Variants in FAM228A observed in about 807,000 individuals in gnomAD.
FAM228A encodes the protein family with sequence similarity 228 member A.
In FAM228A, 13 loss-of-function variants were observed where a neutral mutation model predicts 18.6. The ratio of observed to expected loss-of-function variants is 0.70; its 90% CI spans 0.45 to 1.11. The LOEUF (loss-of-function observed/expected upper bound fraction) is 1.11. FAM228A is among the 50% of genes least tolerant of loss of function. FAM228A has a pLI of 0.00. For missense variants in FAM228A, 240 were observed against 242.2 expected (o/e 0.99, Z 0.06); for synonymous variants, 77 against 86.6 (o/e 0.89, Z 0.61).
At position 24,190,823 on chromosome 2, in the gene FAM228A, G is replaced by A. The variant is rs1053892507; in HGVS notation, c.*192G>A. On this transcript the variant is annotated 3_prime_UTR_variant, in exon 6 of 6. Transcript: ENST00000295150. ...AGACAAGTGGTAAATGTGGGACCTGGACCCCACTTTCCGGAGACATCCTGT... is the reference window on the plus strand; with the variant it reads ...AGACAAGTGGTAAATGTGGGACCTGAACCCCACTTTCCGGAGACATCCTGT... 7.8e-7 allele frequency: 1 copy of A among 1,279,190 alleles called. No individual in the cohort carries two copies. Among genetic ancestry groups the A allele is most frequent in the Non-Finnish European group, 9.9e-7 (1 of 1,010,180 alleles). The allele number at this position is 1,279,190 out of a possible 1,614,324, so 79.2% of individuals were successfully genotyped here. A position where few individuals can be genotyped will look rare whatever the true frequency, so the allele number is the denominator to read the frequency against.
intron 5 of FAM228A, among the ~76,000 whole-genome samples, chr2:24,184,779 G>T (rs1053829245): frequency 2.0e-5 from 3 of 150,124 alleles, no homozygotes; most frequent in Middle Eastern, 7.0e-3. Flanking sequence ...TATAACTAGT[G>T]CTTTTTATAC....
At position 24,191,063 on chromosome 2, in the gene FAM228A, A is replaced by G; in HGVS notation, c.*432A>G. 1.0e-6 allele frequency: 1 copy of G among 988,492 alleles called. No individual in the cohort carries two copies. The highest frequency in any genetic ancestry group is 1.1e-4 in the East Asian group (1 of 9,064). 61.2% of individuals were successfully genotyped at this position (988,492 alleles called of 1,614,324 possible). A position where few individuals can be genotyped will look rare whatever the true frequency, so the allele number is the denominator to read the frequency against. ...TACCAAAAAATTAGGGCAAGATGAG[A>G]TTTTTTGATATTTAAAAGGTATTTT... On this transcript the variant is annotated 3_prime_UTR_variant, in exon 6 of 6. Coordinates refer to ENST00000295150, the MANE Select transcript of FAM228A (RefSeq NM_001040710.3).
At chr2:24,178,822 A>G (rs754524955) in intron 3 of FAM228A, among the ~76,000 whole-genome samples, 3 of 152,218 alleles carry the variant, frequency 2.0e-5, no homozygotes, top group African/African-American at 4.8e-5. Context: ...AAAAGAAACA[A>G]GAGTTTCATG....
intron 5 of FAM228A, among the ~76,000 whole-genome samples, chr2:24,189,835 C>T (rs779216790): frequency 3.3e-5 from 5 of 151,858 alleles, no homozygotes; most frequent in South Asian, 2.1e-4. Context: ...AAAGGAAAGG[C>T]GGGAGGGGGC....
chr2:24,178,560 T>G (rs569834997), intron 3 of FAM228A, among the ~76,000 whole-genome samples: 78 of 152,200 alleles, frequency 5.1e-4, no homozygotes, highest in Non-Finnish European at 9.7e-4. Context: ...GGTGACAGAG[T>G]GAGACCCTGT....
chr2:24,180,677 A>T (rs1667796268), intron 3 of FAM228A, among the ~76,000 whole-genome samples: 1 of 152,212 alleles, frequency 6.6e-6, no homozygotes, highest in Non-Finnish European at 1.5e-5. Flanking sequence ...TTTAAATGTC[A>T]GTAAAGTCGT....
intron 3 of FAM228A, 142 bp from the exon 4 acceptor site, chr2:24,183,143 C>T (rs1287506529): frequency 7.9e-6 from 5 of 633,128 alleles, no homozygotes; most frequent in African/African-American, 3.6e-5. Flanking sequence ...CCGAATAGGT[C>T]GTTTTTCAAC....
rs200874988 is a variant in FAM228A at position 24,190,442 on chromosome 2, A to G, written c.432A>G (p.Lys144=). 2,039 of 1,613,756 alleles carry G rather than the reference A, an allele frequency of 1.3e-3. No individual in the cohort carries two copies. The highest frequency in any genetic ancestry group is 1.6e-3 in the Non-Finnish European group (1,924 of 1,179,920). ...AAAAGCTCATCTATGCAGACAAGAA[A>G]CAGAAAAGAAAAGAGAAAAAGACGG... is the stretch of plus-strand genomic sequence containing the variant. The part of the protein sequence containing the change: ...SPEKLIYADK[K]QKRKEKKTAD... Residue 144 remains lysine (K), a synonymous_variant, in exon 6 of 6, where the codon AAA becomes AAG. Coordinates refer to ENST00000295150, the MANE Select transcript of FAM228A (RefSeq NM_001040710.3).
At chr2:24,186,929 G>A (rs1667962847) in intron 5 of FAM228A, among the ~76,000 whole-genome samples, 1 of 152,158 alleles carries the variant, frequency 6.6e-6, no homozygotes, top group Non-Finnish European at 1.5e-5. Context: ...GTGAGCCTCT[G>A]TGCCCCGCCT....
In FAM228A at chr2:24,183,560, T is replaced by A; in HGVS notation, c.316T>A (p.Tyr106Asn). ...GGCCAGGCTGCATGCCAGCTCGCCC[T>A]ACTTCACTTTCACTTCACACTGTGT... is the stretch of plus-strand genomic sequence containing the variant. ...EKARLHASSP[Y>N]FTFTSHCVIP... The change falls in exon 5 of 6, where the codon TAC (tyrosine) becomes AAC (asparagine). Residue 106 changes from tyrosine (Y) to asparagine (N), a missense_variant. Physicochemically the swap from Tyr to Asn is moderately radical, Grantham distance 143. Transcript: ENST00000295150. The A allele has an allele frequency of 6.2e-7, 1 of 1,614,072 alleles. No individual in the cohort carries two copies. Among genetic ancestry groups the A allele is most frequent in the East Asian group, 2.2e-5 (1 of 44,892 alleles).
rs772804635 is a variant in FAM228A at position 24,175,468 on chromosome 2, G to T, written c.-13G>T. 3 of 1,610,344 alleles carry T rather than the reference G, an allele frequency of 1.9e-6. 1 individual carries two copies. Among genetic ancestry groups the T allele is most frequent in the Non-Finnish European group, 8.5e-7 (1 of 1,176,532 alleles). On this transcript the variant is annotated splice_region_variant and 5_prime_UTR_variant, in exon 2 of 6. Transcript: ENST00000295150. ...TCAGTTTACCTTTTCATCCCTCAGGGATTCTCCTGTCCATGGCTGCCACCA... is the reference window on the plus strand; with the variant it reads ...TCAGTTTACCTTTTCATCCCTCAGGTATTCTCCTGTCCATGGCTGCCACCA...
In FAM228A at chr2:24,183,376, C is replaced by T; in HGVS notation, c.250+4C>T. ...ACTGGTCTTCAGTGTGAGACAGGTG[C>T]TTTGTGATCACTGGGCCTCATTTTT... On this transcript the variant is annotated splice_donor_region_variant and intron_variant, in intron 4 of 5. Transcript: ENST00000295150. 6.2e-7 allele frequency: 1 copy of T among 1,613,214 alleles called. No homozygotes were observed. Among genetic ancestry groups the T allele is most frequent in the Non-Finnish European group, 8.5e-7 (1 of 1,179,166 alleles).
chr2:24,182,408 C>T (rs376521889), intron 3 of FAM228A, among the ~76,000 whole-genome samples: 1 of 152,094 alleles, frequency 6.6e-6, no homozygotes, highest in Non-Finnish European at 1.5e-5. Context: ...ATTATGTTGC[C>T]TAGTTTATTC....
At chr2:24,184,707 G>A (rs1252404756) in intron 5 of FAM228A, among the ~76,000 whole-genome samples, 2 of 151,862 alleles carry the variant, frequency 1.3e-5, no homozygotes, top group Non-Finnish European at 2.9e-5. Context: ...TCTGAGTCTC[G>A]CTCTGTCGTC....
chr2:24,190,332 G>A, intron 5 of FAM228A, 80 bp from the exon 6 acceptor site: 1 of 1,442,696 alleles, frequency 6.9e-7, no homozygotes, highest in Non-Finnish European at 9.2e-7. Context: ...TGAGTTCATT[G>A]CATTAATCTT....
In FAM228A at chr2:24,190,496, G is replaced by C; in HGVS notation, c.486G>C (p.Arg162Ser). 1 of 1,614,184 alleles carries C rather than the reference G, an allele frequency of 6.2e-7. No individual in the cohort carries two copies. The highest frequency in any genetic ancestry group is 8.5e-7 in the Non-Finnish European group (1 of 1,180,030). ...TADLSQAAFE[R>S]QFLSSKLSQK... The stretch of plus-strand genomic sequence containing the variant: ...ACCTAAGTCAGGCTGCGTTTGAAAG[G>C]CAGTTCCTTTCCTCAAAGCTCAGCC... Residue 162 changes from arginine to serine, a missense_variant, in exon 6 of 6, where the codon AGG becomes AGC. By Grantham distance (110) the Arg-to-Ser change is moderately radical. Transcript: ENST00000295150.
chr2:24,187,617 A>AT (rs34867537), intron 5 of FAM228A, among the ~76,000 whole-genome samples: 3,084 of 150,354 alleles, frequency 0.021, 31 homozygotes, highest in South Asian at 0.048. Flanking sequence ...GCAACCAGTG[A>AT]TTTTTTTTTT....
At chr2:24,176,015 CTA>C in intron 2 of FAM228A, 1 of 993,976 alleles carries the variant, frequency 1.0e-6, no homozygotes, top group African/African-American at 1.7e-5. Flanking sequence ...CTTAATTTTT[CTA>C]TGTGTGTGCA....
rs766942551 is a variant in FAM228A, at chr2:24,183,493, A to G, written c.251-2A>G. 5 of 1,610,144 alleles carry G rather than the reference A, an allele frequency of 3.1e-6. No individual in the cohort carries two copies. The highest frequency in any genetic ancestry group is 4.2e-6 in the Non-Finnish European group (5 of 1,178,194). ...TGATTTCGATTTTTTATCTTCCTGTAGGAAAACGACATTCCATAAAAGAAC... is the reference window on the plus strand; with the variant it reads ...TGATTTCGATTTTTTATCTTCCTGTGGGAAAACGACATTCCATAAAAGAAC... On this transcript the variant is annotated splice_acceptor_variant, in intron 4 of 5. Coordinates refer to ENST00000295150, the MANE Select transcript of FAM228A (RefSeq NM_001040710.3). LOFTEE classifies it high-confidence loss of function.
Sources: gnomAD v4.1 joint callset for allele counts (sites outside exome capture counted in the v4.1 genomes callset) on GRCh38, gnomAD v4.1.1 for gene constraint, MANE v1.5 for transcripts, NCBI Gene and HGNC (gene_info 2026-07-23, HGNC 2026-07-21) for gene names.